Variants in SLC30A8 observed in about 807,000 individuals in gnomAD.
SLC30A8 encodes solute carrier family 30 member 8.
A neutral mutation model predicts 36.9 loss-of-function variants in SLC30A8; 27 were observed. That is an observed-to-expected ratio of 0.73 (90% CI 0.54 to 1.01). SLC30A8 has a LOEUF of 1.01. Ranked by LOEUF, SLC30A8 falls within the 50% of genes least tolerant of loss-of-function variation. The pLI is 0.00. For missense variants in SLC30A8, 439 were observed against 452.0 expected, an observed-to-expected ratio of 0.97 and a Z score of 0.26; for synonymous variants, 164 against 172.4, an observed-to-expected ratio of 0.95 and a Z score of 0.38.
rs140186082 is a variant in SLC30A8, at chr8:117,121,619, C to T, written c.-225-13661C>T. On this transcript the variant is annotated intron_variant, in intron 2 of 10. Transcript: ENST00000427715. ...CAAAGATGCCACCTCCTAATACTATCGCATTGGTGATTAGATTTAAACATG... is the reference window on the plus strand; with the variant it reads ...CAAAGATGCCACCTCCTAATACTATTGCATTGGTGATTAGATTTAAACATG... 2.6e-3 allele frequency among the ~76,000 whole-genome samples: 392 copies of T among 152,042 alleles called. 10 individuals carry two copies. In the East Asian group the frequency reaches 0.059, roughly 23 times the overall value.
chr8:117,107,219 A>C (rs1335124279), intron 2 of SLC30A8, among the ~76,000 whole-genome samples: 1 of 152,150 alleles, frequency 6.6e-6, no homozygotes, highest in Non-Finnish European at 1.5e-5. Flanking sequence ...AATATTTTGC[A>C]CTATACCAAT....
chr8:117,080,400 A>G (rs145019697), intron 2 of SLC30A8, among the ~76,000 whole-genome samples: 2 of 152,238 alleles, frequency 1.3e-5, no homozygotes, highest in Non-Finnish European at 2.9e-5. Context: ...GTTTGTTACA[A>G]AGGTATACTG....
chr8:117,019,240 C>T (rs1816626408), intron 1 of SLC30A8, among the ~76,000 whole-genome samples: 1 of 152,112 alleles, frequency 6.6e-6, no homozygotes, highest in African/African-American at 2.4e-5. Context: ...AGCTGAAGCT[C>T]AACGCATTTT....
At position 116,955,912 on chromosome 8, in the gene SLC30A8, G is replaced by A. The variant is rs77433690; in HGVS notation, c.-266+4793G>A. Reference sequence around the variant, plus strand: ...AACTGTGAGAGAAAAAATTTCTCTCGTTTTGAGCCATCCAGTTTGTGGCAA... The same window carrying A: ...AACTGTGAGAGAAAAAATTTCTCTCATTTTGAGCCATCCAGTTTGTGGCAA... On this transcript the variant is annotated intron_variant, in intron 1 of 10. Coordinates refer to the SLC30A8 transcript ENST00000427715. Among the ~76,000 whole-genome samples, 917 of 152,078 alleles carry A rather than the reference G, an allele frequency of 6.0e-3. 11 individuals carry two copies. The East Asian group carries it at 0.061, about 10-fold the overall frequency.
chr8:117,047,227 A>G lies in SLC30A8; in HGVS notation c.-226+7969A>G, dbSNP rs1163124488. On this transcript the variant is annotated intron_variant, in intron 2 of 10. Coordinates refer to the SLC30A8 transcript ENST00000427715. Reference sequence around the variant, plus strand: ...CCTTGGTAAAAGTATTCTCTCACGTATTCTCTTATATAATCCTCACCATGA... The same window carrying G: ...CCTTGGTAAAAGTATTCTCTCACGTGTTCTCTTATATAATCCTCACCATGA... Among the ~76,000 whole-genome samples the G allele has an allele frequency of 3.3e-5, 5 of 152,092 alleles. 1 individual carries two copies. Among genetic ancestry groups the G allele is most frequent in the Non-Finnish European group, 5.9e-5 (4 of 68,032 alleles).
At chr8:117,169,012 A>G (rs2129746154) in intron 6 of SLC30A8, among the ~76,000 whole-genome samples, 1 of 152,284 alleles carries the variant, frequency 6.6e-6, no homozygotes, top group South Asian at 2.1e-4. Context: ...ACTTTGCACA[A>G]ACTTTACACA....
chr8:117,059,944 C>T (rs888870368), intron 2 of SLC30A8, among the ~76,000 whole-genome samples: 4 of 151,810 alleles, frequency 2.6e-5, no homozygotes, highest in African/African-American at 9.7e-5. Flanking sequence ...AGTGTGGAGG[C>T]AGAGGGGGTG....
rs1449594769 is a variant in SLC30A8 at position 117,135,108 on chromosome 8, G to A, written c.-220G>A. The A allele has an allele frequency of 2.6e-6, 1 of 388,392 alleles. No individual in the cohort carries two copies. Among genetic ancestry groups the A allele is most frequent in the East Asian group, 3.8e-5 (1 of 26,386 alleles). 24.1% of individuals were successfully genotyped at this position (388,392 alleles called of 1,614,324 possible). On this transcript the variant is annotated 5_prime_UTR_variant, in exon 1 of 8. Transcript: ENST00000456015. The stretch of plus-strand genomic sequence containing the variant: ...AAGTCTCCCTAGAAAAGCAGTTTTT[G>A]TAGGTGAAAACAATGAAGCCAGGTA...
intron 2 of SLC30A8, among the ~76,000 whole-genome samples, chr8:117,114,448 C>G (rs1820357802): frequency 6.6e-6 from 1 of 152,064 alleles, no homozygotes; most frequent in Non-Finnish European, 1.5e-5. Flanking sequence ...GAAAATCAAT[C>G]TGGAGAAATT....
At chr8:117,139,859 TAAA>T (rs61537395) in intron 1 of SLC30A8, among the ~76,000 whole-genome samples, 4 of 109,704 alleles carry the variant, frequency 3.6e-5, no homozygotes, top group South Asian at 2.8e-4. Context: ...CAACATCTGG[TAAA>T]AAAAAAAAAA....
chr8:117,076,195 A>G (rs1339734262), intron 2 of SLC30A8, among the ~76,000 whole-genome samples: 1 of 152,204 alleles, frequency 6.6e-6, no homozygotes, highest in Non-Finnish European at 1.5e-5. Flanking sequence ...TTATTATATC[A>G]TGCCAGATAT....
At chr8:116,988,410 C>G (rs1467778155) in intron 1 of SLC30A8, among the ~76,000 whole-genome samples, 1 of 152,134 alleles carries the variant, frequency 6.6e-6, no homozygotes, top group African/African-American at 2.4e-5. Context: ...TGGACAACTC[C>G]TTTTCCTCTC....
At chr8:117,011,303 T>C (rs1816337176) in intron 1 of SLC30A8, among the ~76,000 whole-genome samples, 1 of 152,228 alleles carries the variant, frequency 6.6e-6, no homozygotes, top group Non-Finnish European at 1.5e-5. Context: ...TTTATGTCAC[T>C]TGTAATCAGG....
chr8:117,038,111 A>G (rs376024384), intron 1 of SLC30A8, among the ~76,000 whole-genome samples: 2 of 152,276 alleles, frequency 1.3e-5, no homozygotes, highest in East Asian at 3.9e-4. Flanking sequence ...AAGCTTTTCT[A>G]TTTCTCTAAA....
intron 2 of SLC30A8, among the ~76,000 whole-genome samples, chr8:117,096,639 A>T (rs1192799154): frequency 6.6e-6 from 1 of 152,158 alleles, no homozygotes; most frequent in East Asian, 1.9e-4. Context: ...ATAATATTTG[A>T]CACCTCATAT....
chr8:117,034,538 A>G (rs1263919933), intron 1 of SLC30A8, among the ~76,000 whole-genome samples: 1 of 152,218 alleles, frequency 6.6e-6, no homozygotes, highest in Non-Finnish European at 1.5e-5. Context: ...GGGGAAACTG[A>G]AGCATGGAGT....
chr8:117,085,179 A>G (rs1818825244), intron 2 of SLC30A8, among the ~76,000 whole-genome samples: 1 of 152,184 alleles, frequency 6.6e-6, no homozygotes, highest in Non-Finnish European at 1.5e-5. Context: ...GCTATATGCC[A>G]GGAAGTTTAC....
At chr8:117,077,133 A>G (rs1370883757) in intron 2 of SLC30A8, among the ~76,000 whole-genome samples, 1 of 152,078 alleles carries the variant, frequency 6.6e-6, no homozygotes, top group Non-Finnish European at 1.5e-5. Context: ...CTCCCAGGTT[A>G]CTCCTGTCTG....
intron 1 of SLC30A8, among the ~76,000 whole-genome samples, chr8:117,014,037 T>G (rs1816430420): frequency 6.6e-6 from 1 of 152,180 alleles, no homozygotes; most frequent in Non-Finnish European, 1.5e-5. Context: ...TAGCTCTTGG[T>G]GAACTTGGCA....
Sources: gnomAD v4.1 joint callset for allele counts (sites outside exome capture counted in the v4.1 genomes callset) on GRCh38, gnomAD v4.1.1 for gene constraint, MANE v1.5 for transcripts, NCBI Gene and HGNC (gene_info 2026-07-23, HGNC 2026-07-21) for gene names.